Variants in CDK14 observed in about 807,000 individuals in gnomAD.
CDK14 encodes the protein cyclin dependent kinase 14.
A neutral mutation model predicts 60.7 loss-of-function variants in CDK14; 34 were observed. That is an observed-to-expected ratio of 0.56 (90% CI 0.43 to 0.75). The LOEUF is 0.75. Among genes scored for constraint, CDK14 ranks in the 30% least tolerant of loss-of-function variants. The pLI, the probability that CDK14 is intolerant of heterozygous loss-of-function variation, is 0.00. For missense variants in CDK14, 482 were observed against 564.1 expected (o/e 0.85, Z 1.47); for synonymous variants, 197 against 203.7 (o/e 0.97, Z 0.28).
At chr7:91,118,284 C>G in intron 14 of CDK14, 76 bp downstream of exon 14, 1 of 677,666 alleles carries the variant, frequency 1.5e-6, no homozygotes, top group Non-Finnish European at 2.5e-6. Flanking sequence ...ATATTTCAGA[C>G]TCGTTTTTTC....
chr7:90,758,721 T>G (rs753522033), intron 4 of CDK14, among the ~76,000 whole-genome samples: 5 of 152,164 alleles, frequency 3.3e-5, no homozygotes, highest in Non-Finnish European at 5.9e-5. Context: ...TCTATATAAA[T>G]GAAGATGTAT....
At chr7:90,732,639 T>C (rs1409795465) in intron 3 of CDK14, among the ~76,000 whole-genome samples, 9 of 152,224 alleles carry the variant, frequency 5.9e-5, no homozygotes, top group African/African-American at 2.2e-4. Context: ...GAGGTATTTA[T>C]AGTATTTTCT....
chr7:90,598,926 G>A (rs992549109), intron 1 of CDK14, among the ~76,000 whole-genome samples: 4 of 151,540 alleles, frequency 2.6e-5, no homozygotes, highest in African/African-American at 4.9e-5. Context: ...GGATGGTCTC[G>A]ATCTCCTGAC....
At chr7:90,730,098 A>G (rs567116675) in intron 3 of CDK14, among the ~76,000 whole-genome samples, 56 of 152,212 alleles carry the variant, frequency 3.7e-4, no homozygotes, top group Non-Finnish European at 7.2e-4. Context: ...GAGTGAGAAC[A>G]TGTGGTGTTT....
chr7:91,109,043 A>C (rs1799398517), intron 12 of CDK14, among the ~76,000 whole-genome samples: 1 of 152,198 alleles, frequency 6.6e-6, no homozygotes, highest in South Asian at 2.1e-4. Flanking sequence ...GTTAATAATA[A>C]AATTTTTGAA....
At chr7:90,628,503 G>T (rs953978432) in intron 2 of CDK14, among the ~76,000 whole-genome samples, 1 of 152,096 alleles carries the variant, frequency 6.6e-6, no homozygotes, top group African/African-American at 2.4e-5. Flanking sequence ...CAGTGTGGAT[G>T]TGAATCACCT....
chr7:91,058,336 A>G (rs1221893611), intron 11 of CDK14, among the ~76,000 whole-genome samples: 1 of 152,152 alleles, frequency 6.6e-6, no homozygotes, highest in Non-Finnish European at 1.5e-5. Flanking sequence ...TAGATATACA[A>G]TCATGTCATC....
chr7:91,138,153 A>G (rs79856982), intron 14 of CDK14, among the ~76,000 whole-genome samples: 1,799 of 152,324 alleles, frequency 0.012, 10 homozygotes, highest in Middle Eastern at 0.024. Context: ...CCATGGTTCA[A>G]TAATCAAAGC....
intron 12 of CDK14, among the ~76,000 whole-genome samples, chr7:91,087,747 A>G (rs890012725): frequency 7.9e-5 from 12 of 152,064 alleles, no homozygotes; most frequent in Non-Finnish European, 1.8e-4. Context: ...TAGAGTCCCC[A>G]GACATCTTCT....
At chr7:90,990,967 G>C (rs185816371) in intron 10 of CDK14, among the ~76,000 whole-genome samples, 1 of 152,128 alleles carries the variant, frequency 6.6e-6, no homozygotes, top group Non-Finnish European at 1.5e-5. Flanking sequence ...TACTTGCTTC[G>C]AGAATATGGT....
intron 1 of CDK14, among the ~76,000 whole-genome samples, chr7:90,600,812 A>C (rs912273914): frequency 3.6e-4 from 55 of 152,334 alleles, no homozygotes; most frequent in African/African-American, 1.3e-3. Flanking sequence ...CATACACCAA[A>C]ACTTAAGTGT....
rs887223408 is a variant in CDK14, at chr7:90,596,553, G to A, written c.-75G>A. 3.1e-6 allele frequency: 4 copies of A among 1,305,790 alleles called. No individual in the cohort carries two copies. In the African/African-American group the frequency reaches 4.4e-5, roughly 14 times the overall value. The allele number at this position is 1,305,790 out of a possible 1,614,324, so 80.9% of individuals were successfully genotyped here. A position where few individuals can be genotyped will look rare whatever the true frequency, so the allele number is the denominator to read the frequency against. On this transcript the variant is annotated 5_prime_UTR_variant, in exon 1 of 15. Coordinates refer to ENST00000380050, the MANE Select transcript of CDK14 (RefSeq NM_001287135.2). The stretch of plus-strand genomic sequence containing the variant: ...GAGGAGGAGGCGCCGCTTTCCCCGC[G>A]GCGCGCGCCCTCGCCGTTGTCTGAG...
intron 11 of CDK14, among the ~76,000 whole-genome samples, chr7:91,054,362 G>C (rs567390168): frequency 8.6e-5 from 13 of 151,984 alleles, no homozygotes; most frequent in African/African-American, 2.4e-4. Context: ...CAAGCCTTAG[G>C]GTATTTAGAG....
chr7:90,720,047 C>A (rs373841009), intron 2 of CDK14, among the ~76,000 whole-genome samples: 15 of 152,124 alleles, frequency 9.9e-5, no homozygotes, highest in African/African-American at 3.6e-4. Context: ...ATGAACAAAT[C>A]TTTACTGGAC....
rs938399258 is a variant in CDK14 at position 91,207,222 on chromosome 7, T to C, written c.*86T>C. Reference sequence around the variant, plus strand: ...AAAACATTAATGAAGAGGCCAATAATATGAAGGGAATCATGGATCAGTTTT... The same window carrying C: ...AAAACATTAATGAAGAGGCCAATAACATGAAGGGAATCATGGATCAGTTTT... On this transcript the variant is annotated 3_prime_UTR_variant, in exon 15 of 15. Coordinates refer to ENST00000380050, the MANE Select transcript of CDK14 (RefSeq NM_001287135.2). 4.6e-5 allele frequency: 7 copies of C among 152,160 alleles called. No individual in the cohort carries two copies. Among genetic ancestry groups the C allele is most frequent in the African/African-American group, 1.7e-4 (7 of 41,448 alleles). The allele number at this position is 152,160 out of a possible 1,614,324, so 9.4% of individuals were successfully genotyped here. A position where few individuals can be genotyped will look rare whatever the true frequency, so the allele number is the denominator to read the frequency against.
At chr7:90,630,056 AC>A (rs1244191530) in intron 2 of CDK14, among the ~76,000 whole-genome samples, 33 of 74,654 alleles carry the variant, frequency 4.4e-4, no homozygotes, top group Non-Finnish European at 7.1e-4. Flanking sequence ...ACAAAACAAA[AC>A]AAAACAAAAC....
At chr7:90,714,130 T>G (rs1391821129) in intron 2 of CDK14, among the ~76,000 whole-genome samples, 1 of 152,062 alleles carries the variant, frequency 6.6e-6, no homozygotes, top group Non-Finnish European at 1.5e-5. Context: ...TGTTATTGAG[T>G]CTGAGTGGAT....
chr7:90,787,300 A>G (rs1369026084), intron 4 of CDK14, among the ~76,000 whole-genome samples: 1 of 150,838 alleles, frequency 6.6e-6, no homozygotes, highest in African/African-American at 2.4e-5. Flanking sequence ...TGGATGCAAA[A>G]AGGTTAATTA....
intron 9 of CDK14, among the ~76,000 whole-genome samples, chr7:90,956,835 A>C (rs572532514): frequency 7.4e-4 from 110 of 147,684 alleles, no homozygotes; most frequent in Middle Eastern, 3.6e-3. Flanking sequence ...TCATTGTTCA[A>C]TTCCCACCTA....
Sources: allele counts gnomAD v4.1 joint callset (sites outside exome capture counted in the v4.1 genomes callset), GRCh38; gene constraint gnomAD v4.1.1; transcripts MANE v1.5; gene names NCBI Gene and HGNC (gene_info 2026-07-23, HGNC 2026-07-21).